FRMD4B: variants seen among roughly 807,000 people sequenced by gnomAD.
The protein encoded by FRMD4B is FERM domain-containing protein 4B.
In FRMD4B, 74 loss-of-function variants were observed where a neutral mutation model predicts 141.5. The ratio of observed to expected loss-of-function variants is 0.52; its 90% CI spans 0.43 to 0.63. FRMD4B has a LOEUF of 0.63. Among genes scored for constraint, FRMD4B ranks in the 30% least tolerant of loss-of-function variants. The pLI is 0.00. For missense variants in FRMD4B, 1,366 were observed against 1,253.4 expected, an observed-to-expected ratio of 1.09 and a Z score of -1.36; for synonymous variants, 506 against 467.9, an observed-to-expected ratio of 1.08 and a Z score of -1.05.
intron 8 of FRMD4B, among the ~76,000 whole-genome samples, chr3:69,222,973 C>T (rs1479475844): frequency 2.0e-5 from 3 of 152,150 alleles, no homozygotes. Flanking sequence ...AAGTGTTAGG[C>T]ATTAAAGACT....
intron 1 of FRMD4B, among the ~76,000 whole-genome samples, chr3:69,365,734 G>A (rs1452112637): frequency 2.0e-5 from 3 of 152,032 alleles, no homozygotes; most frequent in African/African-American, 7.2e-5. Context: ...TTGACTTCAA[G>A]TGATACACCC....
intron 11 of FRMD4B, among the ~76,000 whole-genome samples, chr3:69,213,406 AT>A (rs2093106331): frequency 6.6e-6 from 1 of 151,386 alleles, no homozygotes; most frequent in East Asian, 1.9e-4. Flanking sequence ...AATAAAATTG[AT>A]TTTAAAAAAT....
intron 2 of FRMD4B, among the ~76,000 whole-genome samples, chr3:69,429,629 C>T (rs2106830984): frequency 6.6e-6 from 1 of 152,164 alleles, no homozygotes; most frequent in Admixed American, 6.6e-5. Flanking sequence ...ACAAAATCCA[C>T]ACACATGAAA....
intron 1 of FRMD4B, among the ~76,000 whole-genome samples, chr3:69,355,057 C>T (rs542130075): frequency 6.6e-6 from 1 of 151,940 alleles, no homozygotes; most frequent in South Asian, 2.1e-4. Flanking sequence ...AATGATATTC[C>T]CAGAAAAGCA....
intron 3 of FRMD4B, among the ~76,000 whole-genome samples, chr3:69,306,885 G>A (rs1418243910): frequency 6.6e-6 from 1 of 152,146 alleles, no homozygotes; most frequent in Non-Finnish European, 1.5e-5. Flanking sequence ...AGGGAGGCAG[G>A]AGGAAAGTGC....
intron 1 of FRMD4B, among the ~76,000 whole-genome samples, chr3:69,453,597 T>C (rs17005917): frequency 0.32 from 48,153 of 152,008 alleles, 7,736 homozygotes; most frequent in East Asian, 0.53. Flanking sequence ...GAGTTACAAG[T>C]TTAAAAAATC....
intron 1 of FRMD4B, among the ~76,000 whole-genome samples, chr3:69,356,043 A>AG (rs374380117): frequency 6.6e-6 from 1 of 151,314 alleles, no homozygotes; most frequent in Non-Finnish European, 1.5e-5. Context: ...AAGAAAAAAA[A>AG]TTAGGAAACA....
intron 1 of FRMD4B, among the ~76,000 whole-genome samples, chr3:69,528,313 C>T (rs1328425829): frequency 1.4e-5 from 2 of 143,614 alleles, no homozygotes; most frequent in Admixed American, 1.4e-4. Flanking sequence ...CTTCCTTTCT[C>T]TCTCTTTCTT....
Position 69,196,273 on chromosome 3 carries a change from C to T in FRMD4B, c.1216G>A (p.Gly406Ser). 1 of 1,604,046 alleles carries T rather than the reference C, an allele frequency of 6.2e-7. No homozygotes were observed. The highest frequency in any genetic ancestry group is 1.1e-5 in the South Asian group (1 of 88,840). ...TKSQFIMASN[G>S]SLISSGSQDS... ...ATGTTACCTGAGGAGATTAAACTGCCATTACTTGCCATGATGAACTGACTT... is the reference window on the plus strand; with the variant it reads ...ATGTTACCTGAGGAGATTAAACTGCTATTACTTGCCATGATGAACTGACTT... The change falls in exon 14 of 23, where the codon GGC becomes AGC. Residue 406 changes from glycine (G) to serine (S), a missense_variant. Coordinates refer to ENST00000398540, the MANE Select transcript of FRMD4B (RefSeq NM_015123.3).
At chr3:69,375,698 T>C (rs1232965504) in intron 1 of FRMD4B, among the ~76,000 whole-genome samples, 1 of 152,222 alleles carries the variant, frequency 6.6e-6, no homozygotes, top group Non-Finnish European at 1.5e-5. Flanking sequence ...GGCCAGAGGC[T>C]GAGTGTTAGA....
chr3:69,474,204 G>C (rs1397315350), intron 1 of FRMD4B, among the ~76,000 whole-genome samples: 2 of 152,134 alleles, frequency 1.3e-5, no homozygotes, highest in African/African-American at 4.8e-5. Context: ...ACCTGTTTTA[G>C]CAAACCAAAG....
rs1158234194 is a variant in FRMD4B at position 69,221,855 on chromosome 3, T to C, written c.731+3A>G. On this transcript the variant is annotated splice_donor_region_variant and intron_variant, in intron 9 of 22. Transcript: ENST00000398540. ...ATATCTAAGCAAAAGGAAAGATACT[T>C]ACTGAACCACAGCTTGACCTCGAGT... The C allele has an allele frequency of 6.9e-7, 1 of 1,459,542 alleles. No individual in the cohort carries two copies. The highest frequency in any genetic ancestry group is 2.3e-5 in the East Asian group (1 of 43,862). The allele number at this position is 1,459,542 out of a possible 1,614,324, so 90.4% of individuals were successfully genotyped here. A position where few individuals can be genotyped will look rare whatever the true frequency, so the allele number is the denominator to read the frequency against.
intron 7 of FRMD4B, among the ~76,000 whole-genome samples, chr3:69,244,593 AT>A (rs2093410485): frequency 2.7e-5 from 4 of 148,684 alleles, no homozygotes; most frequent in Non-Finnish European, 5.9e-5. Context: ...AGATGGCACC[AT>A]TGCACTTCAG....
chr3:69,288,707 T>G (rs535938855), intron 4 of FRMD4B, among the ~76,000 whole-genome samples: 24 of 152,256 alleles, frequency 1.6e-4, no homozygotes, highest in Middle Eastern at 3.4e-3. Context: ...CATTGCTTGA[T>G]TAATAATCAT....
At chr3:69,215,270 T>C (rs1284042189) in intron 11 of FRMD4B, among the ~76,000 whole-genome samples, 4 of 148,794 alleles carry the variant, frequency 2.7e-5, no homozygotes, top group Admixed American at 6.7e-5. Flanking sequence ...CCAAATCTGA[T>C]AGATTGTGAC....
intron 1 of FRMD4B, among the ~76,000 whole-genome samples, chr3:69,498,669 T>A (rs916908776): frequency 6.6e-6 from 1 of 152,174 alleles, no homozygotes; most frequent in Non-Finnish European, 1.5e-5. Flanking sequence ...AACATATAAC[T>A]GTTAAGAGTT....
At chr3:69,298,121 A>G (rs1007491261) in intron 4 of FRMD4B, among the ~76,000 whole-genome samples, 2 of 152,346 alleles carry the variant, frequency 1.3e-5, no homozygotes, top group East Asian at 1.9e-4. Context: ...ATGAGACAAT[A>G]CTTTTCAAAT....
At chr3:69,536,908 A>G (rs1238156887) in intron 1 of FRMD4B, among the ~76,000 whole-genome samples, 1 of 152,004 alleles carries the variant, frequency 6.6e-6, no homozygotes, top group Non-Finnish European at 1.5e-5. Flanking sequence ...CACCACACCC[A>G]GGTAATTTTA....
chr3:69,423,143 C>T (rs1334496080), intron 2 of FRMD4B, among the ~76,000 whole-genome samples: 1 of 152,304 alleles, frequency 6.6e-6, no homozygotes, highest in East Asian at 1.9e-4. Flanking sequence ...AAAATCAATA[C>T]TCAAGGTACT....
Sources: gnomAD v4.1 joint callset for allele counts (sites outside exome capture counted in the v4.1 genomes callset) on GRCh38, gnomAD v4.1.1 for gene constraint, MANE v1.5 for transcripts, NCBI Gene and HGNC (gene_info 2026-07-23, HGNC 2026-07-21) for gene names.